ARHGAP15: variants seen among roughly 807,000 people sequenced by gnomAD.
ARHGAP15 encodes rho GTPase-activating protein 15.
In ARHGAP15, 51 loss-of-function variants were observed where a neutral mutation model predicts 63.7. The ratio of observed to expected loss-of-function variants is 0.80; its 90% CI spans 0.64 to 1.01. The LOEUF (loss-of-function observed/expected upper bound fraction) is 1.01, where lower values mean the gene tolerates loss of function less well. Ranked by LOEUF, ARHGAP15 falls within the 50% of genes least tolerant of loss-of-function variation. The pLI, the probability that ARHGAP15 is intolerant of heterozygous loss-of-function variation, is 0.00. For synonymous variants in ARHGAP15, 191 were observed against 193.8 expected (o/e 0.99, Z 0.12); for missense variants, 560 against 564.6 (o/e 0.99, Z 0.08).
At chr2:143,430,974 G>A (rs1689361795) in intron 6 of ARHGAP15, among the ~76,000 whole-genome samples, 2 of 152,044 alleles carry the variant, frequency 1.3e-5, no homozygotes, top group South Asian at 4.1e-4. Flanking sequence ...TTGTTCAAGT[G>A]TAGGATTGCT....
intron 8 of ARHGAP15, among the ~76,000 whole-genome samples, chr2:143,469,179 C>G (rs1451626295): frequency 2.0e-5 from 3 of 152,130 alleles, no homozygotes; most frequent in Non-Finnish European, 4.4e-5. Flanking sequence ...CCCTGAGAAC[C>G]TGTAGTCGAC....
chr2:143,610,217 A>G (rs1181651428), intron 11 of ARHGAP15, among the ~76,000 whole-genome samples: 1 of 152,190 alleles, frequency 6.6e-6, no homozygotes, highest in Non-Finnish European at 1.5e-5. Flanking sequence ...TGTGTTCAGT[A>G]TATAAATCCA....
intron 12 of ARHGAP15, among the ~76,000 whole-genome samples, chr2:143,680,998 G>C (rs1288287711): frequency 6.6e-6 from 1 of 152,216 alleles, no homozygotes; most frequent in African/African-American, 2.4e-5. Flanking sequence ...AAATGTGTCA[G>C]ACACATCACC....
chr2:143,597,492 G>C (rs1697567794), intron 11 of ARHGAP15, among the ~76,000 whole-genome samples: 1 of 152,008 alleles, frequency 6.6e-6, no homozygotes, highest in East Asian at 1.9e-4. Flanking sequence ...CTCTCAAGAT[G>C]CCAGTCGCCA....
intron 6 of ARHGAP15, among the ~76,000 whole-genome samples, chr2:143,342,211 G>C (rs1685088772): frequency 6.6e-6 from 1 of 152,074 alleles, no homozygotes; most frequent in African/African-American, 2.4e-5. Flanking sequence ...AGCATCAACA[G>C]ATACTATCTG....
At chr2:143,513,422 T>A (rs1398714164) in intron 9 of ARHGAP15, among the ~76,000 whole-genome samples, 3 of 152,136 alleles carry the variant, frequency 2.0e-5, no homozygotes, top group Admixed American at 2.0e-4. Context: ...CTCTTCCAGG[T>A]CTTATCTCCA....
At chr2:143,667,971 G>C (rs936327564) in intron 12 of ARHGAP15, among the ~76,000 whole-genome samples, 1 of 151,868 alleles carries the variant, frequency 6.6e-6, no homozygotes, top group South Asian at 2.1e-4. Context: ...CTGGGTGACA[G>C]AGCAAGACCC....
At chr2:143,568,120 C>T (rs1431327701) in intron 11 of ARHGAP15, among the ~76,000 whole-genome samples, 1 of 152,094 alleles carries the variant, frequency 6.6e-6, no homozygotes, top group African/African-American at 2.4e-5. Flanking sequence ...GCAAGGACTT[C>T]ATGACTAAAA....
intron 6 of ARHGAP15, among the ~76,000 whole-genome samples, chr2:143,344,816 G>A (rs141180880): frequency 2.6e-5 from 4 of 152,190 alleles, no homozygotes; most frequent in Admixed American, 2.6e-4. Flanking sequence ...AAAAAGAGGA[G>A]AAAGGCAATA....
At chr2:143,308,905 T>A (rs1574249830) in intron 6 of ARHGAP15, among the ~76,000 whole-genome samples, 1 of 141,186 alleles carries the variant, frequency 7.1e-6, no homozygotes, top group African/African-American at 2.7e-5. Flanking sequence ...GCTAATGAAA[T>A]TTGTATTTGG....
chr2:143,495,967 G>A (rs115016884), intron 9 of ARHGAP15, among the ~76,000 whole-genome samples: 2,631 of 152,292 alleles, frequency 0.017, 78 homozygotes, highest in African/African-American at 0.06. Context: ...GCACTAATGT[G>A]CTTAAAAATA....
chr2:143,623,271 G>A (rs1181462147), intron 11 of ARHGAP15, among the ~76,000 whole-genome samples: 1 of 152,170 alleles, frequency 6.6e-6, no homozygotes, highest in Non-Finnish European at 1.5e-5. Context: ...TATTGAGGGT[G>A]AAAAGGACAA....
At chr2:143,299,223 G>A (rs1026504260) in intron 6 of ARHGAP15, among the ~76,000 whole-genome samples, 1 of 151,850 alleles carries the variant, frequency 6.6e-6, no homozygotes, top group African/African-American at 2.4e-5. Flanking sequence ...AATACACACT[G>A]CAGTAATTAA....
At chr2:143,526,738 G>T (rs754995619) in intron 10 of ARHGAP15, among the ~76,000 whole-genome samples, 2 of 152,158 alleles carry the variant, frequency 1.3e-5, no homozygotes, top group Non-Finnish European at 2.9e-5. Context: ...CATTTGGAAA[G>T]CTTTCAGGTT....
chr2:143,684,521 C>T (rs1232974593), intron 12 of ARHGAP15, among the ~76,000 whole-genome samples: 1 of 152,022 alleles, frequency 6.6e-6, no homozygotes, highest in Non-Finnish European at 1.5e-5. Context: ...TTGGGGGGTC[C>T]CATGGGCCAC....
At chr2:143,428,441 A>G (rs556452286) in intron 6 of ARHGAP15, among the ~76,000 whole-genome samples, 1 of 151,866 alleles carries the variant, frequency 6.6e-6, no homozygotes, top group South Asian at 2.1e-4. Flanking sequence ...GAAGAATGGG[A>G]TGATCATATC....
intron 12 of ARHGAP15, among the ~76,000 whole-genome samples, chr2:143,691,673 T>C (rs1386211994): frequency 6.6e-6 from 1 of 152,230 alleles, no homozygotes; most frequent in Non-Finnish European, 1.5e-5. Flanking sequence ...ATCTTCATTG[T>C]CTTAAGGCTT....
intron 6 of ARHGAP15, among the ~76,000 whole-genome samples, chr2:143,428,045 T>TG (rs1689207089): frequency 6.6e-6 from 1 of 151,824 alleles, no homozygotes; most frequent in Admixed American, 6.6e-5. Flanking sequence ...TATAGCATAG[T>TG]GGGGGGAATG....
At chr2:143,650,188 T>C (rs1374524461) in intron 12 of ARHGAP15, among the ~76,000 whole-genome samples, 1 of 151,906 alleles carries the variant, frequency 6.6e-6, no homozygotes, top group African/African-American at 2.4e-5. Flanking sequence ...TGCAGATTTG[T>C]TTTCTCCAAA....
Sources: gnomAD v4.1 joint callset for allele counts (sites outside exome capture counted in the v4.1 genomes callset) on GRCh38, gnomAD v4.1.1 for gene constraint, MANE v1.5 for transcripts, NCBI Gene and HGNC (gene_info 2026-07-23, HGNC 2026-07-21) for gene names.